SH3D19: variants seen among roughly 807,000 people sequenced by gnomAD.
SH3D19 encodes SH3 domain containing 19.
A neutral mutation model predicts 112.1 loss-of-function variants in SH3D19; 58 were observed. That is an observed-to-expected ratio of 0.52 (90% CI 0.42 to 0.64). The LOEUF is 0.64. Among genes scored for constraint, SH3D19 ranks in the 30% least tolerant of loss-of-function variants. The probability of loss-of-function intolerance (pLI) is 0.00; values close to 1 mark genes in which losing one functional copy is unlikely to be tolerated. For synonymous variants in SH3D19, 391 were observed against 448.5 expected, an observed-to-expected ratio of 0.87 and a Z score of 1.62; for missense variants, 1,090 against 1,263.4, an observed-to-expected ratio of 0.86 and a Z score of 2.08.
chr4:151,156,849 G>C (rs1756208741), intron 9 of SH3D19, among the ~76,000 whole-genome samples: 1 of 152,164 alleles, frequency 6.6e-6, no homozygotes, highest in South Asian at 2.1e-4. Flanking sequence ...CACAGTAAAG[G>C]AAACAACCAA....
At chr4:151,291,199 G>T in intron 1 of SH3D19, 1 of 1,613,842 alleles carries the variant, frequency 6.2e-7, no homozygotes, top group South Asian at 1.1e-5. Context: ...ATTAGAATGT[G>T]GTAAATCTCT....
At chr4:151,207,834 T>C (rs1202519174) in intron 2 of SH3D19, among the ~76,000 whole-genome samples, 1 of 152,212 alleles carries the variant, frequency 6.6e-6, no homozygotes, top group Non-Finnish European at 1.5e-5. Context: ...ACAATAATAA[T>C]GCAATTGTAG....
chr4:151,199,431 G>A (rs1215455758), intron 2 of SH3D19, among the ~76,000 whole-genome samples: 1 of 152,188 alleles, frequency 6.6e-6, no homozygotes, highest in East Asian at 1.9e-4. Context: ...GTAGAAAATG[G>A]CAGGTATGGA....
chr4:151,256,451 TA>T (rs1771928149), intron 1 of SH3D19, among the ~76,000 whole-genome samples: 1 of 152,224 alleles, frequency 6.6e-6, no homozygotes, highest in Non-Finnish European at 1.5e-5. Context: ...ACAATAAATA[TA>T]AATACTTCAA....
chr4:151,155,888 C>G (rs748618552), intron 9 of SH3D19, among the ~76,000 whole-genome samples: 10 of 151,336 alleles, frequency 6.6e-5, no homozygotes, highest in Non-Finnish European at 1.2e-4. Flanking sequence ...GACTCTGTCT[C>G]AAAAAAAGAA....
intron 1 of SH3D19, among the ~76,000 whole-genome samples, chr4:151,307,120 G>T (rs1728995317): frequency 6.8e-6 from 1 of 147,566 alleles, no homozygotes; most frequent in Non-Finnish European, 1.5e-5. Context: ...CCAGGTTCAC[G>T]CCATTCTCCT....
intron 1 of SH3D19, among the ~76,000 whole-genome samples, chr4:151,260,115 A>G (rs1247752924): frequency 6.6e-6 from 1 of 152,348 alleles, no homozygotes; most frequent in South Asian, 2.1e-4. Flanking sequence ...ATGGAGTACA[A>G]GTATAATTTC....
At chr4:151,156,116 A>G (rs769915960) in intron 9 of SH3D19, among the ~76,000 whole-genome samples, 1 of 152,222 alleles carries the variant, frequency 6.6e-6, no homozygotes, top group Non-Finnish European at 1.5e-5. Flanking sequence ...TAACTGAGGA[A>G]GTGAAAGACC....
chr4:151,324,468 C>T (rs1004805321), intron 1 of SH3D19, among the ~76,000 whole-genome samples: 2 of 152,108 alleles, frequency 1.3e-5, no homozygotes, highest in African/African-American at 4.8e-5. Context: ...TCGGATTACC[C>T]AGTTGGAACC....
chr4:151,312,963 C>T (rs1360054448), intron 1 of SH3D19, among the ~76,000 whole-genome samples: 1 of 151,052 alleles, frequency 6.6e-6, no homozygotes, highest in Non-Finnish European at 1.5e-5. Flanking sequence ...GTGGTGAGTG[C>T]CTGTAATCCC....
At chr4:151,144,103 T>C in intron 11 of SH3D19, 53 bp from the exon 12 acceptor site, 1 of 1,590,188 alleles carries the variant, frequency 6.3e-7, no homozygotes, top group Admixed American at 1.8e-5. Context: ...TAAAACATTA[T>C]TACTTTTTCA....
At chr4:151,193,422 C>A (rs910618812) in intron 2 of SH3D19, among the ~76,000 whole-genome samples, 8 of 152,270 alleles carry the variant, frequency 5.3e-5, no homozygotes, top group African/African-American at 1.9e-4. Flanking sequence ...GCAATAAATA[C>A]TGTACTTTTA....
Position 151,153,926 on chromosome 4 carries a change from G to A in SH3D19, c.1756-4365C>T, listed in dbSNP as rs192100369. On this transcript the variant is annotated intron_variant, in intron 9 of 19. Transcript: ENST00000604030. ...TTTCTAAAATGTGGAAGTTGCTTCC[G>A]GACTGCTTAGCACTAAACATAATAA... Among the ~76,000 whole-genome samples, 8 of 149,192 alleles carry A rather than the reference G, an allele frequency of 5.4e-5. No individual in the cohort carries two copies. The East Asian group carries it at 1.0e-3, about 19-fold the overall frequency.
At chr4:151,199,046 T>A (rs1403907730) in intron 2 of SH3D19, among the ~76,000 whole-genome samples, 12 of 148,610 alleles carry the variant, frequency 8.1e-5, no homozygotes, top group Non-Finnish European at 1.5e-4. Flanking sequence ...GCAAAGCCAC[T>A]GGAGAACTTT....
chr4:151,137,875 A>G lies in SH3D19; in HGVS notation c.2297-13T>C. 1 of 1,583,234 alleles carries G rather than the reference A, an allele frequency of 6.3e-7. No individual in the cohort carries two copies. Among genetic ancestry groups the G allele is most frequent in the Non-Finnish European group, 8.5e-7 (1 of 1,169,670 alleles). On this transcript the variant is annotated splice_polypyrimidine_tract_variant and intron_variant, in intron 13 of 19. Transcript: ENST00000604030. ...TCATCAACTTGCTCTGTAATATAAA[A>G]TTATAGTTATGTATGATGAATCATC...
intron 2 of SH3D19, among the ~76,000 whole-genome samples, chr4:151,210,845 T>C (rs1283194210): frequency 4.6e-5 from 7 of 152,196 alleles, no homozygotes; most frequent in African/African-American, 1.7e-4. Flanking sequence ...AATAGGCACG[T>C]ATTATTTTAT....
intron 1 of SH3D19, among the ~76,000 whole-genome samples, chr4:151,246,669 T>C (rs536473097): frequency 6.6e-6 from 1 of 152,340 alleles, no homozygotes; most frequent in South Asian, 2.1e-4. Context: ...ATATTCGACA[T>C]TGTCAGGTAC....
At chr4:151,147,864 G>A (rs183324926) in intron 11 of SH3D19, 58 bp downstream of exon 11, 208 of 1,521,486 alleles carry the variant, frequency 1.4e-4, no homozygotes, top group Non-Finnish European at 1.7e-4. Flanking sequence ...ATGATGAATC[G>A]TATATATACT....
At chr4:151,161,339 C>T (rs528796919) in intron 8 of SH3D19, among the ~76,000 whole-genome samples, 1 of 152,202 alleles carries the variant, frequency 6.6e-6, no homozygotes, top group African/African-American at 2.4e-5. Flanking sequence ...CTTGACCATT[C>T]CAAATTCTTC....
Sources: gnomAD v4.1 joint callset for allele counts (sites outside exome capture counted in the v4.1 genomes callset) on GRCh38, gnomAD v4.1.1 for gene constraint, MANE v1.5 for transcripts, NCBI Gene and HGNC (gene_info 2026-07-23, HGNC 2026-07-21) for gene names.